Variants in ALG8 observed in about 807,000 individuals in gnomAD.
ALG8 encodes dolichyl pyrophosphate Glc1Man9GlcNAc2 alpha-1,3-glucosyltransferase.
ALG8 carries 48 observed loss-of-function variants against 70.2 expected under a neutral mutation model. That is an observed-to-expected ratio of 0.68 (90% CI 0.54 to 0.87). ALG8 has a LOEUF of 0.87. ALG8 is among the 40% of genes least tolerant of loss of function. The pLI is 0.00. For missense variants in ALG8, 572 were observed against 608.7 expected (o/e 0.94, Z 0.64); for synonymous variants, 234 against 229.0 (o/e 1.02, Z -0.20).
At chr11:78,117,026 T>C (rs1565352581) in intron 5 of ALG8, among the ~76,000 whole-genome samples, 1 of 152,224 alleles carries the variant, frequency 6.6e-6, no homozygotes, top group East Asian at 1.9e-4. Flanking sequence ...ACACCAGTTA[T>C]ATTCTAATTA....
chr11:78,117,645 G>T (rs1860635905), intron 5 of ALG8, among the ~76,000 whole-genome samples: 1 of 151,830 alleles, frequency 6.6e-6, no homozygotes, highest in Non-Finnish European at 1.5e-5. Flanking sequence ...AGGTATGGTG[G>T]TGTGCACCTG....
At chr11:78,131,013 C>G (rs1327914873) in intron 1 of ALG8, among the ~76,000 whole-genome samples, 1 of 151,972 alleles carries the variant, frequency 6.6e-6, no homozygotes, top group African/African-American at 2.4e-5. Flanking sequence ...CTTTTTTACT[C>G]TCTTTGGAGA....
rs1328355793 is a variant in ALG8, at chr11:78,119,116, C to G, written c.546+66G>C. The G allele has an allele frequency of 6.2e-6, 8 of 1,282,286 alleles. No homozygotes were observed. The African/African-American group carries it at 1.2e-4, about 19-fold the overall frequency. The allele number at this position is 1,282,286 out of a possible 1,614,324, so 79.4% of individuals were successfully genotyped here. On this transcript the variant is annotated intron_variant, in intron 5 of 12. Coordinates refer to ENST00000299626, the MANE Select transcript of ALG8 (RefSeq NM_024079.5). ...ATAAATTTACCTATCACCCACTACA[C>G]TGTTCCCTTTACAATCTAAAAACTA...
chr11:78,109,399 C>T (rs1565347210), intron 9 of ALG8, 43 bp downstream of exon 9: 1 of 1,613,208 alleles, frequency 6.2e-7, no homozygotes, highest in Non-Finnish European at 8.5e-7. Flanking sequence ...AAAAGAAAAG[C>T]AGAGAAAACT....
At chr11:78,101,259 C>T in intron 12 of ALG8, 64 bp from the exon 13 acceptor site, 2 of 1,313,174 alleles carry the variant, frequency 1.5e-6, no homozygotes, top group African/African-American at 2.9e-5. Flanking sequence ...CAAACATTTC[C>T]TAGCTAAAGC....
At chr11:78,139,101 C>T (rs1182642948) in intron 1 of ALG8, 3 of 355,084 alleles carry the variant, frequency 8.4e-6, no homozygotes, top group Non-Finnish European at 1.6e-5. Flanking sequence ...TCTAGCTCCA[C>T]CCACCAACTT....
intron 1 of ALG8, among the ~76,000 whole-genome samples, chr11:78,130,453 C>G (rs562789436): frequency 5.4e-4 from 81 of 150,198 alleles, no homozygotes; most frequent in African/African-American, 1.8e-3. Context: ...GCTTATTGAT[C>G]TATATGCTTT....
chr11:78,135,490 T>A (rs1331840724), intron 1 of ALG8: 2 of 152,110 alleles, frequency 1.3e-5, no homozygotes, highest in Non-Finnish European at 2.9e-5. Context: ...GGTAGGAGGA[T>A]TGCTTGAGCC....
Position 78,109,582 on chromosome 11 carries a change from C to T in ALG8, c.899-1G>A. ...GGATCAAGAAATTTCAATTTCAAAC[C>T]TATTAAACAGATATTTTGTTTTGTT... On this transcript the variant is annotated splice_acceptor_variant, in intron 8 of 12. Coordinates refer to ENST00000299626, the MANE Select transcript of ALG8 (RefSeq NM_024079.5). LOFTEE classifies it high-confidence loss of function. The T allele has an allele frequency of 3.7e-6, 6 of 1,612,766 alleles. No individual in the cohort carries two copies. The highest frequency in any genetic ancestry group is 5.1e-6 in the Non-Finnish European group (6 of 1,178,802).
intron 2 of ALG8, among the ~76,000 whole-genome samples, chr11:78,125,409 A>T (rs1861022468): frequency 6.6e-6 from 1 of 151,660 alleles, no homozygotes; most frequent in Admixed American, 6.6e-5. Context: ...TTTTATATAT[A>T]CATATAAAAT....
chr11:78,114,757 G>A, intron 5 of ALG8: 1 of 439,832 alleles, frequency 2.3e-6, no homozygotes, highest in Non-Finnish European at 4.5e-6. Context: ...CTTGACCCCA[G>A]GAGTTCAAGA....
rs1565350368 is a variant in ALG8 at position 78,113,997 on chromosome 11, A to G, written c.674-8T>C. ...TCCATCGAATAGACCCATCTACAGA[A>G]AAGGAACATTATCAGTAACCAGGAA... is the stretch of plus-strand genomic sequence containing the variant. On this transcript the variant is annotated splice_region_variant and splice_polypyrimidine_tract_variant and intron_variant, in intron 6 of 12. Coordinates refer to ENST00000299626, the MANE Select transcript of ALG8 (RefSeq NM_024079.5). 1 of 1,592,432 alleles carries G rather than the reference A, an allele frequency of 6.3e-7. No homozygotes were observed. Among genetic ancestry groups the G allele is most frequent in the South Asian group, 1.1e-5 (1 of 88,000 alleles).
At chr11:78,108,140 C>T (rs1194171308) in intron 9 of ALG8, among the ~76,000 whole-genome samples, 1 of 151,904 alleles carries the variant, frequency 6.6e-6, no homozygotes, top group South Asian at 2.1e-4. Context: ...ATTAGCCGGG[C>T]GTGGTGGTGC....
chr11:78,136,481 G>A (rs538080535), intron 1 of ALG8, among the ~76,000 whole-genome samples: 1 of 152,096 alleles, frequency 6.6e-6, no homozygotes, highest in African/African-American at 2.4e-5. Flanking sequence ...AGGCTGCAGT[G>A]AGCCATGATG....
intron 10 of ALG8, among the ~76,000 whole-genome samples, chr11:78,105,239 A>C (rs1859964444): frequency 6.6e-6 from 1 of 152,234 alleles, no homozygotes; most frequent in Admixed American, 6.5e-5. Context: ...CTGGCCTGAC[A>C]AATTTGCTTA....
At chr11:78,138,100 T>A (rs1316165421) in intron 1 of ALG8, among the ~76,000 whole-genome samples, 1 of 151,852 alleles carries the variant, frequency 6.6e-6, no homozygotes, top group Non-Finnish European at 1.5e-5. Flanking sequence ...AATCCCAACA[T>A]TATGGGAGGC....
chr11:78,131,049 T>A (rs553445993), intron 1 of ALG8, among the ~76,000 whole-genome samples: 1 of 152,280 alleles, frequency 6.6e-6, no homozygotes, highest in Non-Finnish European at 1.5e-5. Context: ...CTGAGTGAGT[T>A]TGGGGACACT....
intron 12 of ALG8, among the ~76,000 whole-genome samples, chr11:78,102,504 A>G (rs903407429): frequency 6.6e-5 from 10 of 152,204 alleles, no homozygotes; most frequent in African/African-American, 2.4e-4. Flanking sequence ...TAATGCTACA[A>G]TGAATACTGA....
intron 5 of ALG8, chr11:78,114,905 G>A (rs1860490161): frequency 4.8e-6 from 1 of 210,220 alleles, no homozygotes; most frequent in African/African-American, 2.3e-5. Flanking sequence ...TAGCCCAGGA[G>A]GTGGAGGCTG....
Sources: allele counts gnomAD v4.1 joint callset (sites outside exome capture counted in the v4.1 genomes callset), GRCh38; gene constraint gnomAD v4.1.1; transcripts MANE v1.5; gene names NCBI Gene and HGNC (gene_info 2026-07-23, HGNC 2026-07-21).